Variants in HIVEP2 observed in about 807,000 individuals in gnomAD.
The protein encoded by HIVEP2 is transcription factor HIVEP2.
Under a neutral mutation model 180.7 loss-of-function variants are expected in HIVEP2, and 14 were observed. That is an observed-to-expected ratio of 0.08 (90% CI 0.05 to 0.12). HIVEP2 has a LOEUF of 0.12. Among genes scored for constraint, HIVEP2 ranks in the 10% least tolerant of loss-of-function variants. HIVEP2 has a pLI of 1.00. For synonymous variants in HIVEP2, 1,184 were observed against 1,136.4 expected, an observed-to-expected ratio of 1.04 and a Z score of -0.84; for missense variants, 2,579 against 3,008.5, an observed-to-expected ratio of 0.86 and a Z score of 3.34.
chr6:142,890,612 C>T (rs1776832833), intron 1 of HIVEP2, among the ~76,000 whole-genome samples: 1 of 152,156 alleles, frequency 6.6e-6, no homozygotes, highest in South Asian at 2.1e-4. Flanking sequence ...CATTAACATT[C>T]TATGAGGTTT....
At position 142,773,910 on chromosome 6, in the gene HIVEP2, G is replaced by C; in HGVS notation, c.829C>G (p.Gln277Glu). The change falls in exon 5 of 10, where the codon CAG becomes GAG. Residue 277 changes from glutamine to glutamate, a missense_variant. Physicochemically the swap from Gln to Glu is conservative, Grantham distance 29. This residue lies in a region of HIVEP2 where 142 missense variants were observed against 135.2 expected (regional missense o/e 1.05). Transcript: ENST00000367603. ...VEAEIHSDGE[Q>E]STDTDEESSL... ...CTCTCCTCATCTGTGTCTGTACTCTGTTCACCATCTGAATGTATTTCTGCT... is the reference window on the plus strand; with the variant it reads ...CTCTCCTCATCTGTGTCTGTACTCTCTTCACCATCTGAATGTATTTCTGCT... The C allele has an allele frequency of 1.2e-6, 2 of 1,613,902 alleles. No homozygotes were observed. The highest frequency in any genetic ancestry group is 8.5e-7 in the Non-Finnish European group (1 of 1,180,026).
chr6:142,927,288 C>G (rs111988033), intron 1 of HIVEP2, among the ~76,000 whole-genome samples: 1 of 152,200 alleles, frequency 6.6e-6, no homozygotes, highest in Non-Finnish European at 1.5e-5. Context: ...CTTTCCTCAG[C>G]GTAATTTTGA....
At chr6:142,854,364 G>A (rs1265150458) in intron 1 of HIVEP2, among the ~76,000 whole-genome samples, 3 of 152,150 alleles carry the variant, frequency 2.0e-5, no homozygotes, top group Admixed American at 6.5e-5. Context: ...CCATGCTGGA[G>A]CTAAGAAAAC....
intron 2 of HIVEP2, among the ~76,000 whole-genome samples, chr6:142,793,296 A>T (rs1776185462): frequency 6.6e-6 from 1 of 152,208 alleles, no homozygotes; most frequent in Admixed American, 6.5e-5. Context: ...AGAGTAGAAA[A>T]TTGTGATACT....
At chr6:142,896,924 C>T (rs760833331) in intron 1 of HIVEP2, among the ~76,000 whole-genome samples, 7 of 152,166 alleles carry the variant, frequency 4.6e-5, no homozygotes, top group Non-Finnish European at 8.8e-5. Flanking sequence ...TCATCTCACT[C>T]CTCCTACACA....
At chr6:142,841,726 T>C (rs1388655113) in intron 1 of HIVEP2, among the ~76,000 whole-genome samples, 1 of 152,118 alleles carries the variant, frequency 6.6e-6, no homozygotes, top group Non-Finnish European at 1.5e-5. Context: ...CATTTTGTTG[T>C]CCCATGTTTA....
intron 1 of HIVEP2, among the ~76,000 whole-genome samples, chr6:142,917,877 G>T (rs560812075): frequency 6.6e-6 from 1 of 152,290 alleles, no homozygotes; most frequent in East Asian, 1.9e-4. Context: ...CTGGGTTCAA[G>T]CAGTTCTCCT....
chr6:142,898,341 T>C (rs1380034405), intron 1 of HIVEP2, among the ~76,000 whole-genome samples: 8 of 152,094 alleles, frequency 5.3e-5, no homozygotes, highest in Non-Finnish European at 1.0e-4. Flanking sequence ...AGACCACACA[T>C]GACCACAGAT....
chr6:142,939,289 C>T (rs1008322755), intron 1 of HIVEP2, among the ~76,000 whole-genome samples: 1 of 152,070 alleles, frequency 6.6e-6, no homozygotes, highest in Admixed American at 6.5e-5. Flanking sequence ...CATTACTTCT[C>T]TTTAGGATAT....
Position 142,775,123 on chromosome 6 carries a change from G to T in HIVEP2, c.-385C>A. 1.0e-6 allele frequency: 1 copy of T among 979,182 alleles called. No individual in the cohort carries two copies. The highest frequency in any genetic ancestry group is 1.2e-6 in the Non-Finnish European group (1 of 824,128). The allele number at this position is 979,182 out of a possible 1,614,324, so 60.7% of individuals were successfully genotyped here. A position where few individuals can be genotyped will look rare whatever the true frequency, so the allele number is the denominator to read the frequency against. On this transcript the variant is annotated splice_region_variant and 5_prime_UTR_variant, in exon 5 of 10. Coordinates refer to ENST00000367603, the MANE Select transcript of HIVEP2 (RefSeq NM_006734.4). Reference sequence around the variant, plus strand: ...ATTGCCAGTTTCACTAAGATAAAATGATCTGAAGAAAAAGAAAATACAAAG... The same window carrying T: ...ATTGCCAGTTTCACTAAGATAAAATTATCTGAAGAAAAAGAAAATACAAAG...
At chr6:142,850,860 C>T (rs1775651009) in intron 1 of HIVEP2, among the ~76,000 whole-genome samples, 2 of 152,216 alleles carry the variant, frequency 1.3e-5, no homozygotes, top group African/African-American at 4.8e-5. Context: ...CCGTGGTTCT[C>T]ACCCTGAACA....
chr6:142,926,931 T>C (rs1402499301), intron 1 of HIVEP2, among the ~76,000 whole-genome samples: 1 of 151,914 alleles, frequency 6.6e-6, no homozygotes, highest in East Asian at 1.9e-4. Context: ...GGAGACGTCA[T>C]TGCATTCATG....
intron 1 of HIVEP2, among the ~76,000 whole-genome samples, chr6:142,929,987 CAAT>C (rs2128438187): frequency 6.6e-6 from 1 of 152,302 alleles, no homozygotes; most frequent in East Asian, 1.9e-4. Flanking sequence ...TCTTCTCTAA[CAAT>C]AATCAAATTG....
At chr6:142,796,521 A>T (rs1776282504) in intron 2 of HIVEP2, among the ~76,000 whole-genome samples, 1 of 152,128 alleles carries the variant, frequency 6.6e-6, no homozygotes, top group African/African-American at 2.4e-5. Context: ...ACTGTACTGT[A>T]CTGTATTTAT....
chr6:142,839,604 C>G (rs1350591742), intron 1 of HIVEP2, among the ~76,000 whole-genome samples: 1 of 152,090 alleles, frequency 6.6e-6, no homozygotes, highest in Non-Finnish European at 1.5e-5. Context: ...GTGACTTTCT[C>G]TAGCTGAGTG....
At chr6:142,901,563 TG>T (rs373635477) in intron 1 of HIVEP2, among the ~76,000 whole-genome samples, 168 of 152,314 alleles carry the variant, frequency 1.1e-3, no homozygotes, top group Non-Finnish European at 1.7e-3. Context: ...ATGTCTATGC[TG>T]CCCCTCCTTT....
At chr6:142,793,673 T>TTCTTTCTTTCTTTCTCTCTCTCTC (rs1289211652) in intron 2 of HIVEP2, among the ~76,000 whole-genome samples, 1 of 107,426 alleles carries the variant, frequency 9.3e-6, no homozygotes, top group African/African-American at 3.7e-5. Flanking sequence ...CTTTCTTTCT[T>TTCTTTCTTTCTTTCTCTCTCTCTC]TCTCTCTCTC....
Position 142,753,219 on chromosome 6 carries a change from T to C in HIVEP2, c.7229A>G (p.Tyr2410Cys). 3 of 1,614,112 alleles carry C rather than the reference T, an allele frequency of 1.9e-6. No homozygotes were observed. The highest frequency in any genetic ancestry group is 2.5e-6 in the Non-Finnish European group (3 of 1,179,936). ...CTTGTCATCCACACAACTCTTGCTG[T>C]AAAACGTGGAGTGAGCTAATGGAGT... ...SQTPLAHSTFYSKSCVDDKQL... is the reference protein window; with the variant it reads ...SQTPLAHSTFCSKSCVDDKQL... The change falls in exon 10 of 10, where the codon TAC (tyrosine) becomes TGC (cysteine). Residue 2410 changes from tyrosine (Y) to cysteine (C), a missense_variant. This residue lies in a region of HIVEP2 where 660 missense variants were observed against 731.7 expected (regional missense o/e 0.90). Transcript: ENST00000367603.
chr6:142,863,822 G>A (rs1270431484), intron 1 of HIVEP2, among the ~76,000 whole-genome samples: 1 of 152,094 alleles, frequency 6.6e-6, no homozygotes, highest in African/African-American at 2.4e-5. Context: ...TTCTTTCTGT[G>A]GGAAAGCTCA....
Sources: allele counts gnomAD v4.1 joint callset (sites outside exome capture counted in the v4.1 genomes callset), GRCh38; gene constraint gnomAD v4.1.1; regional missense constraint gnomAD v4.1.1; transcripts MANE v1.5; gene names NCBI Gene and HGNC (gene_info 2026-07-23, HGNC 2026-07-21).